The following CHIC2 variants were observed in gnomAD, a reference collection of about 807,000 sequenced individuals.
CHIC2 encodes the protein cysteine rich hydrophobic domain 2.
Under a neutral mutation model 25.9 loss-of-function variants are expected in CHIC2, and 14 were observed. The observed-to-expected ratio is 0.54, with a 90% confidence interval of 0.36 to 0.85. The LOEUF (loss-of-function observed/expected upper bound fraction) is 0.85. Among genes scored for constraint, CHIC2 ranks in the 40% least tolerant of loss-of-function variants. CHIC2 has a pLI of 0.01. For synonymous variants in CHIC2, 70 were observed against 72.0 expected (o/e 0.97, Z 0.14); for missense variants, 146 against 202.0 (o/e 0.72, Z 1.68).
intron 3 of CHIC2, among the ~76,000 whole-genome samples, chr4:54,025,202 C>T (rs1475911849): frequency 6.6e-6 from 1 of 152,182 alleles, no homozygotes; most frequent in African/African-American, 2.4e-5. Context: ...AACTGAAGAT[C>T]CACAAAAGAA....
chr4:54,009,976 AC>A lies in CHIC2; in HGVS notation c.*118del. The A allele has an allele frequency of 3.3e-6, 2 of 607,142 alleles. No homozygotes were observed. The highest frequency in any genetic ancestry group is 5.6e-6 in the Non-Finnish European group (2 of 359,490). The allele number at this position is 607,142 out of a possible 1,614,324, so 37.6% of individuals were successfully genotyped here. A position where few individuals can be genotyped will look rare whatever the true frequency, so the allele number is the denominator to read the frequency against. ...ATTTAAAAAAAAAACAAAAACAAAA[AC>A]AAAAAAAACACCACACGATTCTGTA... On this transcript the variant is annotated 3_prime_UTR_variant, in exon 6 of 6. Coordinates refer to ENST00000263921, the MANE Select transcript of CHIC2 (RefSeq NM_012110.4).
intron 3 of CHIC2, among the ~76,000 whole-genome samples, chr4:54,022,731 C>T (rs940080204): frequency 2.0e-5 from 3 of 152,128 alleles, no homozygotes; most frequent in South Asian, 2.1e-4. Flanking sequence ...CCCTAGCAAC[C>T]GATCACATGC....
At chr4:54,025,680 G>A (rs1318371088) in intron 3 of CHIC2, among the ~76,000 whole-genome samples, 1 of 151,886 alleles carries the variant, frequency 6.6e-6, no homozygotes, top group Non-Finnish European at 1.5e-5. Flanking sequence ...GCAACATGGT[G>A]AAAACCCATG....
chr4:54,013,667 A>G (rs1347671079), intron 5 of CHIC2, among the ~76,000 whole-genome samples, 170 bp downstream of exon 5: 1 of 152,136 alleles, frequency 6.6e-6, no homozygotes, highest in Non-Finnish European at 1.5e-5. Flanking sequence ...TAACTTTATA[A>G]ATCAGTCTTG....
intron 3 of CHIC2, among the ~76,000 whole-genome samples, chr4:54,028,299 A>T (rs780202069): frequency 3.3e-5 from 5 of 152,186 alleles, no homozygotes; most frequent in South Asian, 2.1e-4. Flanking sequence ...TATAAAGTCA[A>T]ATTTTAATAA....
the CHIC2 span, among the ~76,000 whole-genome samples, chr4:54,074,560 TATGTTCTCCCA>T: frequency 6.6e-6 from 1 of 151,564 alleles, no homozygotes; most frequent in South Asian, 2.1e-4. Flanking sequence ...AAGTTGTTTC[TATGTTCTCCCA>T]CTGCCATCTC....
chr4:54,023,845 C>T (rs552296740), intron 3 of CHIC2, among the ~76,000 whole-genome samples: 12 of 152,326 alleles, frequency 7.9e-5, no homozygotes, highest in African/African-American at 2.9e-4. Context: ...CACCACCGTG[C>T]TGTTATATGG....
chr4:54,076,949 A>G, the CHIC2 span: 1 of 142,868 alleles, frequency 7.0e-6, no homozygotes, highest in Non-Finnish European at 1.6e-5. Context: ...CTAAGGAATC[A>G]TTTGTACTGA....
chr4:54,056,693 T>C (rs1717187083), intron 1 of CHIC2, among the ~76,000 whole-genome samples: 1 of 152,160 alleles, frequency 6.6e-6, no homozygotes, highest in Admixed American at 6.5e-5. Flanking sequence ...CTATCCTAAG[T>C]AGATAGTGGG....
chr4:54,024,496 C>T (rs1209603139), intron 3 of CHIC2, among the ~76,000 whole-genome samples: 4 of 152,184 alleles, frequency 2.6e-5, no homozygotes, highest in African/African-American at 9.6e-5. Context: ...CACTCACTCT[C>T]TCCTAGCCAT....
Position 54,013,902 on chromosome 4 carries a change from CA to C in CHIC2, c.388-7del. ...AGTCTCCAATGCAAGCACAGCTAGA[CA>C]AGTAGGAAAGTAAAAGAAGAAAAAT... On this transcript the variant is annotated splice_polypyrimidine_tract_variant and splice_region_variant and intron_variant, in intron 4 of 5. Coordinates refer to ENST00000263921, the MANE Select transcript of CHIC2 (RefSeq NM_012110.4). The C allele has an allele frequency of 2.5e-6, 4 of 1,613,178 alleles. No individual in the cohort carries two copies. Among genetic ancestry groups the C allele is most frequent in the Non-Finnish European group, 3.4e-6 (4 of 1,179,386 alleles).
At chr4:54,085,023 C>A in the CHIC2 span, among the ~76,000 whole-genome samples, 1 of 136,536 alleles carries the variant, frequency 7.3e-6, no homozygotes, top group Non-Finnish European at 1.6e-5. Context: ...AAAAGCTAAA[C>A]ACTGAATTGA....
chr4:54,044,963 G>C (rs1301659873), intron 3 of CHIC2, among the ~76,000 whole-genome samples: 3 of 151,886 alleles, frequency 2.0e-5, no homozygotes, highest in African/African-American at 7.3e-5. Flanking sequence ...ATGATAAAGG[G>C]GATATCACCA....
intron 3 of CHIC2, among the ~76,000 whole-genome samples, chr4:54,026,231 A>T (rs539576015): frequency 5.3e-4 from 80 of 152,122 alleles, no homozygotes; most frequent in African/African-American, 1.9e-3. Flanking sequence ...CAAAAAAACA[A>T]TTTTTTTGTT....
intron 3 of CHIC2, among the ~76,000 whole-genome samples, chr4:54,024,157 T>C (rs188471869): frequency 1.3e-5 from 2 of 152,326 alleles, no homozygotes; most frequent in East Asian, 1.9e-4. Flanking sequence ...ACAAGGCAAA[T>C]GGTTCTTGGA....
the CHIC2 span, among the ~76,000 whole-genome samples, chr4:54,079,504 TAGAAACCACGTATC>T: frequency 2.6e-4 from 39 of 152,110 alleles, no homozygotes; most frequent in African/African-American, 9.2e-4. Context: ...AGAAAATATT[TAGAAACCACGTATC>T]AGAGAAGGGG....
rs747327643 is a variant in CHIC2, at chr4:54,064,346, T to C, written c.-46A>G. ...TGCCCAAAGGGCCTGACTCCCGGGGTTGGCGCCGGGGTACCGGCGGGCGAG... is the reference window on the plus strand; with the variant it reads ...TGCCCAAAGGGCCTGACTCCCGGGGCTGGCGCCGGGGTACCGGCGGGCGAG... On this transcript the variant is annotated 5_prime_UTR_variant, in exon 1 of 6. Transcript: ENST00000263921. This position sits in a 1 kb window ranked among gnomAD's most constrained non-coding sequence, Gnocchi z 4.2. 6.2e-7 allele frequency: 1 copy of C among 1,609,074 alleles called. No homozygotes were observed.
chr4:54,022,318 TCA>T (rs1715925619), intron 3 of CHIC2, among the ~76,000 whole-genome samples: 1 of 152,068 alleles, frequency 6.6e-6, no homozygotes, highest in Non-Finnish European at 1.5e-5. Context: ...TCCTGGACCA[TCA>T]CAGACGCTCT....
At chr4:54,011,617 C>T (rs930932379) in intron 5 of CHIC2, among the ~76,000 whole-genome samples, 1 of 152,036 alleles carries the variant, frequency 6.6e-6, no homozygotes, top group Non-Finnish European at 1.5e-5. Context: ...CAGGTATGGG[C>T]ATCCCCACAC....
Sources: gnomAD v4.1 joint callset for allele counts (sites outside exome capture counted in the v4.1 genomes callset) on GRCh38, gnomAD v4.1.1 for gene constraint, Gnocchi (gnomAD v3.1) non-coding constraint, MANE v1.5 for transcripts, NCBI Gene and HGNC (gene_info 2026-07-23, HGNC 2026-07-21) for gene names.